TBXAS1: variants seen among roughly 807,000 people sequenced by gnomAD.
The protein encoded by TBXAS1 is thromboxane A synthase 1.
TBXAS1 carries 48 observed loss-of-function variants against 60.7 expected under a neutral mutation model. The observed-to-expected ratio is 0.79, with a 90% CI of 0.63 to 1.01. The LOEUF is 1.01. Ranked by LOEUF, TBXAS1 falls within the 50% of genes least tolerant of loss-of-function variation. The pLI, the probability that TBXAS1 is intolerant of heterozygous loss-of-function variation, is 0.00. For synonymous variants in TBXAS1, 287 were observed against 269.7 expected, an observed-to-expected ratio of 1.06 and a Z score of -0.63; for missense variants, 685 against 686.3, an observed-to-expected ratio of 1.00 and a Z score of 0.02.
chr7:139,800,231 G>C (rs1797682583), intron 4 of TBXAS1, among the ~76,000 whole-genome samples: 1 of 152,102 alleles, frequency 6.6e-6, no homozygotes, highest in Non-Finnish European at 1.5e-5. Flanking sequence ...GTTGTATCAT[G>C]CCTCCAGTGG....
At chr7:139,841,994 T>C (rs1180015628) in intron 1 of TBXAS1, among the ~76,000 whole-genome samples, 1 of 152,160 alleles carries the variant, frequency 6.6e-6, no homozygotes, top group Non-Finnish European at 1.5e-5. Flanking sequence ...AAATAGATGA[T>C]TAAACAGAGT....
At chr7:139,924,347 A>T (rs549276242) in intron 4 of TBXAS1, among the ~76,000 whole-genome samples, 1 of 152,212 alleles carries the variant, frequency 6.6e-6, no homozygotes, top group African/African-American at 2.4e-5. Flanking sequence ...AAGCCATTTT[A>T]AATGGGGTGA....
chr7:139,943,525 T>C (rs185117223), intron 5 of TBXAS1, among the ~76,000 whole-genome samples: 35 of 152,366 alleles, frequency 2.3e-4, no homozygotes, highest in Non-Finnish European at 2.9e-5. Context: ...TCACTCTGAC[T>C]TGCCGCTGGT....
At chr7:139,856,794 G>A (rs2116689350) in intron 1 of TBXAS1, among the ~76,000 whole-genome samples, 1 of 152,282 alleles carries the variant, frequency 6.6e-6, no homozygotes, top group South Asian at 2.1e-4. Flanking sequence ...ACAATGGCCA[G>A]AATCACTCCA....
intron 4 of TBXAS1, among the ~76,000 whole-genome samples, chr7:139,797,937 T>C (rs1797614852): frequency 6.6e-6 from 1 of 152,192 alleles, no homozygotes; most frequent in Non-Finnish European, 1.5e-5. Flanking sequence ...AAAGAGATGC[T>C]TCCTGAAATT....
chr7:139,880,667 G>A (rs1222218823), intron 3 of TBXAS1, among the ~76,000 whole-genome samples: 1 of 152,078 alleles, frequency 6.6e-6, no homozygotes, highest in Non-Finnish European at 1.5e-5. Context: ...TGTTAAATTA[G>A]GTAGTGTTTT....
At chr7:139,849,977 T>C (rs538237888) in intron 1 of TBXAS1, among the ~76,000 whole-genome samples, 1 of 152,246 alleles carries the variant, frequency 6.6e-6, no homozygotes, top group African/African-American at 2.4e-5. Flanking sequence ...AATATTCTCA[T>C]GGGTGCTGGA....
intron 5 of TBXAS1, among the ~76,000 whole-genome samples, chr7:139,943,297 T>G (rs990663994): frequency 6.6e-6 from 1 of 152,256 alleles, no homozygotes; most frequent in Non-Finnish European, 1.5e-5. Flanking sequence ...TTTTCTGGAA[T>G]AGCTGGGTAT....
intron 9 of TBXAS1, among the ~76,000 whole-genome samples, chr7:139,965,391 T>C (rs1199455377): frequency 6.6e-6 from 1 of 152,236 alleles, no homozygotes; most frequent in African/African-American, 2.4e-5. Flanking sequence ...ACCTCAGGGG[T>C]TCCGATTCCA....
In TBXAS1 at chr7:139,999,040, G is replaced by A. The variant is rs931023908; in HGVS notation, c.1135-8051G>A. ...TGAAGCTAGCACAGAGAACTTTCTG[G>A]GCATTGGCCAGGGAAGCCAGCAATG... On this transcript the variant is annotated intron_variant, in intron 9 of 12. Transcript: ENST00000448866. This position sits in a 1 kb window ranked among gnomAD's most constrained non-coding sequence, Gnocchi z 4.3. Among the ~76,000 whole-genome samples, 2 of 152,180 alleles carry A rather than the reference G, an allele frequency of 1.3e-5. No homozygotes were observed. The highest frequency in any genetic ancestry group is 6.5e-5 in the Admixed American group (1 of 15,276).
chr7:139,996,203 G>A (rs1266826591), intron 9 of TBXAS1, among the ~76,000 whole-genome samples: 1 of 151,106 alleles, frequency 6.6e-6, no homozygotes, highest in African/African-American at 2.4e-5. Context: ...CTGGCCTCAA[G>A]CAATCCTGCC....
intron 9 of TBXAS1, among the ~76,000 whole-genome samples, chr7:139,969,398 G>C (rs1296129350): frequency 1.4e-5 from 2 of 144,330 alleles, no homozygotes; most frequent in African/African-American, 5.2e-5. Flanking sequence ...CAAGGTTGAG[G>C]ATTTGTTCCT....
At chr7:139,931,864 T>C (rs911165717) in intron 4 of TBXAS1, among the ~76,000 whole-genome samples, 4 of 151,786 alleles carry the variant, frequency 2.6e-5, no homozygotes, top group African/African-American at 9.7e-5. Flanking sequence ...TCAATGAATA[T>C]ATGTGGACAA....
intron 2 of TBXAS1, among the ~76,000 whole-genome samples, chr7:139,874,954 G>A (rs1415267657): frequency 3.9e-5 from 6 of 152,188 alleles, no homozygotes; most frequent in Admixed American, 3.9e-4. Context: ...AATTAGCTGG[G>A]TGTGGTGGCA....
intron 3 of TBXAS1, among the ~76,000 whole-genome samples, chr7:139,903,944 C>T (rs1804775141): frequency 6.6e-6 from 1 of 152,058 alleles, no homozygotes; most frequent in Non-Finnish European, 1.5e-5. Context: ...CGTACAAAAG[C>T]TCTTTACTTT....
chr7:139,964,210 C>T (rs1328389524), intron 9 of TBXAS1, among the ~76,000 whole-genome samples: 2 of 152,170 alleles, frequency 1.3e-5, no homozygotes, highest in African/African-American at 4.8e-5. Flanking sequence ...CTCAGCCTCC[C>T]GAGTTGCTGG....
chr7:139,986,722 C>CAT lies in TBXAS1; in HGVS notation c.1135-20353_1135-20352dup, dbSNP rs1430609067. Reference sequence around the variant, plus strand: ...TTTTTATGGCTGAGTAGTATTCCATCATATATATATATATATACATACATA... The same window carrying CAT: ...TTTTTATGGCTGAGTAGTATTCCATCATATATATATATATATATACATACATA... On this transcript the variant is annotated intron_variant, in intron 9 of 12. Transcript: ENST00000448866. Among the ~76,000 whole-genome samples, 453 of 64,726 alleles carry CAT rather than the reference C, an allele frequency of 7.0e-3. 11 individuals carry two copies. Among genetic ancestry groups the CAT allele is most frequent in the Admixed American group, 0.012 (62 of 5,300 alleles). The allele number at this position is 64,726 out of a possible 152,430, so 42.5% of individuals were successfully genotyped here. A position where few individuals can be genotyped will look rare whatever the true frequency, so the allele number is the denominator to read the frequency against.
intron 1 of TBXAS1, among the ~76,000 whole-genome samples, chr7:139,837,582 G>A (rs1299742323): frequency 1.3e-5 from 2 of 152,194 alleles, no homozygotes; most frequent in African/African-American, 4.8e-5. Context: ...AACACCGTAT[G>A]TTCTCACTGA....
chr7:139,892,767 T>C (rs1429325133), intron 3 of TBXAS1, among the ~76,000 whole-genome samples: 2 of 152,176 alleles, frequency 1.3e-5, no homozygotes, highest in Non-Finnish European at 2.9e-5. Context: ...TTGGTGTTCT[T>C]GTAGCCAGCC....
Sources: allele counts gnomAD v4.1 joint callset (sites outside exome capture counted in the v4.1 genomes callset), GRCh38; gene constraint gnomAD v4.1.1; non-coding constraint Gnocchi (gnomAD v3.1); transcripts MANE v1.5; gene names NCBI Gene and HGNC (gene_info 2026-07-23, HGNC 2026-07-21).